SPRTN: variants seen among roughly 807,000 people sequenced by gnomAD.
SPRTN encodes DNA-dependent metalloprotease SPRTN.
Under a neutral mutation model 31.9 loss-of-function variants are expected in SPRTN, and 11 were observed. The observed-to-expected ratio is 0.34, with a 90% CI of 0.22 to 0.57. The LOEUF (loss-of-function observed/expected upper bound fraction) is 0.57. Ranked by LOEUF, SPRTN falls within the 20% of genes least tolerant of loss-of-function variation. The probability of loss-of-function intolerance (pLI) is 0.86; values close to 1 mark genes in which losing one functional copy is unlikely to be tolerated. For missense variants in SPRTN, 482 were observed against 590.1 expected (o/e 0.82, Z 1.90); for synonymous variants, 185 against 212.1 (o/e 0.87, Z 1.11).
chr1:231,354,883 C>T lies in SPRTN; in HGVS notation c.*1522C>T. ...TAAATTCTGCCAGTTTACACTCCTA[C>T]CAGCAATGTATGAGAGTTTTAGTTG... On this transcript the variant is annotated 3_prime_UTR_variant, in exon 5 of 5. Coordinates refer to ENST00000295050, the MANE Select transcript of SPRTN (RefSeq NM_032018.7). The T allele has an allele frequency of 7.0e-6, 3 of 425,584 alleles. No individual in the cohort carries two copies. Among genetic ancestry groups the T allele is most frequent in the Non-Finnish European group, 9.4e-6 (3 of 318,730 alleles). 26.4% of individuals were successfully genotyped at this position (425,584 alleles called of 1,614,324 possible). A position where few individuals can be genotyped will look rare whatever the true frequency, so the allele number is the denominator to read the frequency against.
At chr1:231,348,175 A>G (rs1179132747) in intron 3 of SPRTN, among the ~76,000 whole-genome samples, 3 of 152,228 alleles carry the variant, frequency 2.0e-5, no homozygotes, top group African/African-American at 4.8e-5. Context: ...TCAGGCCTGC[A>G]GTACGTCACT....
chr1:231,353,332 A>C lies in SPRTN; in HGVS notation c.1441A>C (p.Ile481Leu). 1 of 1,592,112 alleles carries C rather than the reference A, an allele frequency of 6.3e-7. No individual in the cohort carries two copies. Among genetic ancestry groups the C allele is most frequent in the Non-Finnish European group, 8.5e-7 (1 of 1,173,486 alleles). The change falls in exon 5 of 5, where the codon ATC becomes CTC. Residue 481 changes from isoleucine (I) to leucine (L), a missense_variant. Around this residue, in one of 2 missense-constraint regions of SPRTN, gnomAD observed 325 missense variants for 350.2 expected, o/e 0.93. Transcript: ENST00000295050. ...HLDWCLEGDS[I>L]KVKSEESL ...GGACTGGTGCCTTGAAGGTGACAGC[A>C]TCAAAGTCAAAAGCGAAGAAAGTCT...
chr1:231,351,182 A>C, intron 3 of SPRTN, 122 bp from the exon 4 acceptor site: 1 of 1,171,178 alleles, frequency 8.5e-7, no homozygotes, highest in African/African-American at 1.6e-5. Context: ...CTTTTCAGAA[A>C]GCTCTGGGAA....
Position 231,338,442 on chromosome 1 carries a change from C to T in SPRTN, c.59C>T (p.Ala20Val), listed in dbSNP as rs1034712521. Reference protein sequence around the residue: ...RLQEEWNLQEAERDHAQESLS... With the variant: ...RLQEEWNLQEVERDHAQESLS... Reference sequence around the variant, plus strand: ...CAGGAGGAGTGGAACTTGCAGGAGGCGGAGCGCGATCATGCCCAGGAGTCC... The same window carrying T: ...CAGGAGGAGTGGAACTTGCAGGAGGTGGAGCGCGATCATGCCCAGGAGTCC... Residue 20 changes from alanine to valine, a missense_variant, in exon 1 of 5, where the codon GCG (alanine) becomes GTG (valine). Physicochemically the swap from Ala to Val is moderately conservative, Grantham distance 64. This residue lies in a region of SPRTN where 157 missense variants were observed against 239.9 expected (regional missense o/e 0.65). Coordinates refer to ENST00000295050, the MANE Select transcript of SPRTN (RefSeq NM_032018.7). 3.1e-6 allele frequency: 5 copies of T among 1,614,244 alleles called. No homozygotes were observed. In the Admixed American group the frequency reaches 6.7e-5, roughly 22 times the overall value.
intron 2 of SPRTN, among the ~76,000 whole-genome samples, chr1:231,344,121 T>A (rs1686979821): frequency 6.6e-6 from 1 of 152,242 alleles, no homozygotes; most frequent in South Asian, 2.1e-4. Flanking sequence ...TAAATTTGTT[T>A]CTCCTTTATG....
At chr1:231,339,518 A>G in intron 1 of SPRTN, 1 of 701,432 alleles carries the variant, frequency 1.4e-6, no homozygotes, top group South Asian at 1.5e-5. Context: ...GCAGCCTTCC[A>G]CCTTCTCAAG....
At chr1:231,340,925 G>A (rs950143411) in intron 2 of SPRTN, among the ~76,000 whole-genome samples, 1 of 152,006 alleles carries the variant, frequency 6.6e-6, no homozygotes, top group African/African-American at 2.4e-5. Flanking sequence ...AAAAGGCAAT[G>A]GATTACATAA....
chr1:231,352,814 G>T lies in SPRTN; in HGVS notation c.923G>T (p.Gly308Val), dbSNP rs779071058. The T allele has an allele frequency of 2.5e-6, 4 of 1,613,642 alleles. No homozygotes were observed. The highest frequency in any genetic ancestry group is 1.7e-5 in the Admixed American group (1 of 59,942). Residue 308 changes from glycine (G) to valine (V), a missense_variant, in exon 5 of 5, where the codon GGT (glycine) becomes GTT (valine). Physicochemically the swap from Gly to Val is moderately radical, Grantham distance 109. Around this residue, in one of 2 missense-constraint regions of SPRTN, gnomAD observed 325 missense variants for 350.2 expected, o/e 0.93. Transcript: ENST00000295050. ...SKIKVKFEQN[G>V]SSKNSHLVSP... ...ATCAAGGTGAAATTTGAACAGAATG[G>T]TTCAAGTAAAAATTCTCATCTGGTC...
chr1:231,351,264 A>C (rs768225741), intron 3 of SPRTN, 40 bp from the exon 4 acceptor site: 2 of 1,428,320 alleles, frequency 1.4e-6, no homozygotes, highest in Admixed American at 5.3e-5. Context: ...TGCAGTTGTT[A>C]ACTTGCTTAT....
chr1:231,346,183 C>CTTTTTT (rs71583771), intron 2 of SPRTN, among the ~76,000 whole-genome samples: 175 of 89,058 alleles, frequency 2.0e-3, no homozygotes, highest in East Asian at 5.1e-3. Flanking sequence ...CTTTTCTTTT[C>CTTTTTT]TTTTTTTTTT....
intron 3 of SPRTN, 31 bp downstream of exon 3, chr1:231,347,956 T>C: frequency 6.3e-7 from 1 of 1,589,510 alleles, no homozygotes; most frequent in Non-Finnish European, 8.5e-7. Flanking sequence ...TTATGATGTT[T>C]AGTAGTTGTT....
At chr1:231,351,858 T>C in intron 4 of SPRTN, 1 of 1,054,550 alleles carries the variant, frequency 9.5e-7, no homozygotes, top group Non-Finnish European at 1.1e-6. Context: ...AAATTCAATC[T>C]CTGATAATAT....
In SPRTN at chr1:231,347,873, A is replaced by T; in HGVS notation, c.398A>T (p.Glu133Val). 1 of 1,614,060 alleles carries T rather than the reference A, an allele frequency of 6.2e-7. No homozygotes were observed. The highest frequency in any genetic ancestry group is 1.3e-5 in the African/African-American group (1 of 75,050). ...NDKDREGHGPEFCKHMHRINS... is the reference protein window; with the variant it reads ...NDKDREGHGPVFCKHMHRINS... ...AAAGACCGAGAAGGGCATGGTCCAG[A>T]ATTTTGTAAACATATGCATCGCATC... The change falls in exon 3 of 5, where the codon GAA becomes GTA. Residue 133 changes from glutamate (E) to valine (V), a missense_variant. This residue lies in a region of SPRTN where 157 missense variants were observed against 239.9 expected (regional missense o/e 0.65). Transcript: ENST00000295050.
chr1:231,338,665 C>T, intron 1 of SPRTN, 61 bp downstream of exon 1: 3 of 1,595,112 alleles, frequency 1.9e-6, no homozygotes, highest in South Asian at 1.1e-5. Context: ...CAGCCCCCGG[C>T]CCTGGTTTTC....
Position 231,338,324 on chromosome 1 carries a change from C to A in SPRTN, c.-60C>A. 2 of 1,582,850 alleles carry A rather than the reference C, an allele frequency of 1.3e-6. No homozygotes were observed. Among genetic ancestry groups the A allele is most frequent in the South Asian group, 2.3e-5 (2 of 88,624 alleles). On this transcript the variant is annotated 5_prime_UTR_variant, in exon 1 of 5. Coordinates refer to ENST00000295050, the MANE Select transcript of SPRTN (RefSeq NM_032018.7). ...GGTCCTCGGCTAGGCGGCTTGGGGT[C>A]GCGGCGTAACTGGGGAGCCAGCCTG...
Position 231,353,648 on chromosome 1 carries a change from A to G in SPRTN, c.*287A>G. The G allele has an allele frequency of 9.5e-7, 1 of 1,053,440 alleles. No individual in the cohort carries two copies. The highest frequency in any genetic ancestry group is 1.1e-6 in the Non-Finnish European group (1 of 871,740). 65.3% of individuals were successfully genotyped at this position (1,053,440 alleles called of 1,614,324 possible). ...TTCTTTCTTGCTCTTAAGGATTTTA[A>G]AAACCTGTTAATCTTTTTATTTGTA... On this transcript the variant is annotated 3_prime_UTR_variant, in exon 5 of 5. Coordinates refer to ENST00000295050, the MANE Select transcript of SPRTN (RefSeq NM_032018.7).
In SPRTN at chr1:231,353,466, A is replaced by T; in HGVS notation, c.*105A>T. 6.9e-7 allele frequency: 1 copy of T among 1,447,488 alleles called. No homozygotes were observed. The highest frequency in any genetic ancestry group is 9.0e-7 in the Non-Finnish European group (1 of 1,108,344). The allele number at this position is 1,447,488 out of a possible 1,614,324, so 89.7% of individuals were successfully genotyped here. ...TACTAAGATTTGTAGGTTATAATCTAGTTCACATAACCAATAGAAAGTGTC... is the reference window on the plus strand; with the variant it reads ...TACTAAGATTTGTAGGTTATAATCTTGTTCACATAACCAATAGAAAGTGTC... On this transcript the variant is annotated 3_prime_UTR_variant, in exon 5 of 5. Transcript: ENST00000295050.
intron 2 of SPRTN, among the ~76,000 whole-genome samples, chr1:231,340,406 T>G (rs1205953534): frequency 1.3e-5 from 2 of 152,154 alleles, no homozygotes; most frequent in Non-Finnish European, 2.9e-5. Context: ...TCTGTTTTGA[T>G]TTTACAACAG....
In SPRTN at chr1:231,353,158, A is replaced by G. The variant is rs1229816556; in HGVS notation, c.1267A>G (p.Lys423Glu). 1 of 1,611,438 alleles carries G rather than the reference A, an allele frequency of 6.2e-7. No individual in the cohort carries two copies. Among genetic ancestry groups the G allele is most frequent in the Non-Finnish European group, 8.5e-7 (1 of 1,179,310 alleles). Residue 423 changes from lysine to glutamate, a missense_variant, in exon 5 of 5, where the codon AAG (lysine) becomes GAG (glutamate). Lys to Glu is a moderately conservative substitution (Grantham distance 56, BLOSUM62 1). Coordinates refer to ENST00000295050, the MANE Select transcript of SPRTN (RefSeq NM_032018.7). ...DKTVFDNFFIKKEQIKSSGND... is the reference protein window; with the variant it reads ...DKTVFDNFFIEKEQIKSSGND... ...GACTGTTTTTGACAATTTTTTTATC[A>G]AGAAAGAGCAAATAAAAAGCAGTGG...
Sources: allele counts gnomAD v4.1 joint callset (sites outside exome capture counted in the v4.1 genomes callset), GRCh38; gene constraint gnomAD v4.1.1; regional missense constraint gnomAD v4.1.1; transcripts MANE v1.5; gene names NCBI Gene and HGNC (gene_info 2026-07-23, HGNC 2026-07-21).